Variants in KIF13B observed in about 807,000 individuals in gnomAD.
KIF13B encodes the protein kinesin-like protein KIF13B.
A neutral mutation model predicts 222.0 loss-of-function variants in KIF13B; 127 were observed. That is an observed-to-expected ratio of 0.57 (90% CI 0.50 to 0.66). KIF13B has a LOEUF of 0.66. KIF13B is among the 30% of genes least tolerant of loss of function. The pLI, the probability that KIF13B is intolerant of heterozygous loss-of-function variation, is 0.00. For missense variants in KIF13B, 2,173 were observed against 2,379.0 expected (o/e 0.91, Z 1.80); for synonymous variants, 976 against 919.0 (o/e 1.06, Z -1.12).
chr8:29,173,799 C>G (rs949705530), intron 10 of KIF13B, among the ~76,000 whole-genome samples: 4 of 151,820 alleles, frequency 2.6e-5, no homozygotes, highest in Non-Finnish European at 2.9e-5. Context: ...CAAAAATTAG[C>G]CAGGTGTGGC....
chr8:29,217,215 T>C (rs189185074), intron 2 of KIF13B, among the ~76,000 whole-genome samples: 14 of 152,334 alleles, frequency 9.2e-5, no homozygotes, highest in Admixed American at 4.6e-4. Context: ...TGCCTGTGCC[T>C]GCTAAGTGTG....
chr8:29,215,079 C>A (rs1470738767), intron 2 of KIF13B, among the ~76,000 whole-genome samples: 1 of 152,128 alleles, frequency 6.6e-6, no homozygotes, highest in Non-Finnish European at 1.5e-5. Flanking sequence ...CCGGTGGCTC[C>A]ACGCTCCCTG....
chr8:29,093,644 C>G (rs1808397210), intron 36 of KIF13B, among the ~76,000 whole-genome samples: 1 of 152,234 alleles, frequency 6.6e-6, no homozygotes, highest in Non-Finnish European at 1.5e-5. Context: ...CTTCTCCACA[C>G]TAACCCTGAA....
chr8:29,113,184 T>C (rs1414408040), intron 32 of KIF13B, among the ~76,000 whole-genome samples: 1 of 152,248 alleles, frequency 6.6e-6, no homozygotes, highest in Non-Finnish European at 1.5e-5. Context: ...GCTGCCTCCC[T>C]TCCTGGGTAC....
chr8:29,083,937 C>T (rs1045155114), intron 37 of KIF13B, among the ~76,000 whole-genome samples: 5 of 152,190 alleles, frequency 3.3e-5, no homozygotes, highest in African/African-American at 1.2e-4. Flanking sequence ...TTTTTTAAGA[C>T]GGAGTTGCGC....
intron 1 of KIF13B, among the ~76,000 whole-genome samples, chr8:29,247,354 C>T (rs1816071436): frequency 6.6e-6 from 1 of 152,152 alleles, no homozygotes; most frequent in Non-Finnish European, 1.5e-5. Flanking sequence ...TGCCACTGCA[C>T]TACAGCCTGG....
At chr8:29,203,892 CAAAAAAAAAA>C (rs11432771) in intron 2 of KIF13B, among the ~76,000 whole-genome samples, 7 of 66,190 alleles carry the variant, frequency 1.1e-4, no homozygotes, top group African/African-American at 2.0e-4. Context: ...AGTTCCGTCT[CAAAAAAAAAA>C]AAAAAAAAAA....
chr8:29,198,212 A>T (rs560585433), intron 2 of KIF13B, among the ~76,000 whole-genome samples: 11 of 152,380 alleles, frequency 7.2e-5, no homozygotes, highest in African/African-American at 2.2e-4. Context: ...GGAATAAGAG[A>T]TGTAGAAGAA....
intron 1 of KIF13B, among the ~76,000 whole-genome samples, chr8:29,252,626 C>T (rs1452942582): frequency 1.3e-5 from 2 of 152,194 alleles, no homozygotes; most frequent in Non-Finnish European, 2.9e-5. Flanking sequence ...TTGCATGCCA[C>T]ATGTGATCCT....
chr8:29,125,565 T>G (rs1810071930), intron 26 of KIF13B, among the ~76,000 whole-genome samples: 1 of 152,222 alleles, frequency 6.6e-6, no homozygotes, highest in Admixed American at 6.5e-5. Flanking sequence ...AGTGTTTTTA[T>G]CAGTGACTTA....
At chr8:29,124,207 C>T (rs1810005380) in intron 26 of KIF13B, 84 bp from the exon 27 acceptor site, 2 of 803,726 alleles carry the variant, frequency 2.5e-6, no homozygotes, top group Admixed American at 2.4e-5. Flanking sequence ...CCTTGCTCTA[C>T]TATGCCTTGG....
intron 2 of KIF13B, among the ~76,000 whole-genome samples, chr8:29,232,108 T>G (rs1815311369): frequency 6.6e-6 from 1 of 150,612 alleles, no homozygotes; most frequent in Admixed American, 6.6e-5. Context: ...CACACAAAAA[T>G]TAGCAGGGTA....
At chr8:29,260,942 T>A (rs886923794) in intron 1 of KIF13B, among the ~76,000 whole-genome samples, 2 of 152,180 alleles carry the variant, frequency 1.3e-5, no homozygotes, top group Non-Finnish European at 2.9e-5. Context: ...TATACAAACT[T>A]TGGACACCAA....
chr8:29,131,637 ACT>A (rs1403826496), intron 23 of KIF13B, among the ~76,000 whole-genome samples: 1 of 152,186 alleles, frequency 6.6e-6, no homozygotes, highest in East Asian at 1.9e-4. Flanking sequence ...TCTTTCCAAC[ACT>A]GATGCCACTC....
In KIF13B at chr8:29,067,417, G is replaced by A. The variant is rs796176288; in HGVS notation, c.*3087C>T. ...GTCTTTACAAGTCATTAGAGTCTTTGGATTTTTTAAACTCCCATTTACTGT... is the reference window on the plus strand; with the variant it reads ...GTCTTTACAAGTCATTAGAGTCTTTAGATTTTTTAAACTCCCATTTACTGT... On this transcript the variant is annotated 3_prime_UTR_variant, in exon 40 of 40. Coordinates refer to ENST00000524189, the MANE Select transcript of KIF13B (RefSeq NM_015254.4). 6.6e-6 allele frequency: 1 copy of A among 152,666 alleles called. No homozygotes were observed. The highest frequency in any genetic ancestry group is 1.9e-4 in the East Asian group (1 of 5,190). 9.5% of individuals were successfully genotyped at this position (152,666 alleles called of 1,614,324 possible).
At chr8:29,166,764 A>G (rs185042678) in intron 11 of KIF13B, among the ~76,000 whole-genome samples, 105 of 152,272 alleles carry the variant, frequency 6.9e-4, no homozygotes, top group African/African-American at 2.5e-3. Context: ...TTTCCCAAGA[A>G]GATGAGCACT....
intron 18 of KIF13B, among the ~76,000 whole-genome samples, chr8:29,142,921 T>C (rs1455369077): frequency 2.6e-5 from 4 of 152,248 alleles, no homozygotes; most frequent in African/African-American, 4.8e-5. Context: ...TGGCACGTCA[T>C]AGCTCACTGC....
At chr8:29,122,539 G>T in intron 29 of KIF13B, 52 bp downstream of exon 29, 1 of 1,439,880 alleles carries the variant, frequency 6.9e-7, no homozygotes, top group Non-Finnish European at 9.7e-7. Flanking sequence ...TACATGTTAT[G>T]TAGGCACTAA....
chr8:29,244,872 T>G (rs1815951993), intron 2 of KIF13B, among the ~76,000 whole-genome samples: 1 of 152,144 alleles, frequency 6.6e-6, no homozygotes, highest in Non-Finnish European at 1.5e-5. Context: ...TCCAAAACAA[T>G]CTATAATCAT....
Sources: allele counts gnomAD v4.1 joint callset (sites outside exome capture counted in the v4.1 genomes callset), GRCh38; gene constraint gnomAD v4.1.1; transcripts MANE v1.5; gene names NCBI Gene and HGNC (gene_info 2026-07-23, HGNC 2026-07-21).